NALF1: variants seen among roughly 807,000 people sequenced by gnomAD.
NALF1 encodes the protein NALCN channel auxiliary factor 1, also known as family with sequence similarity 155 member A.
Under a neutral mutation model 48.4 loss-of-function variants are expected in NALF1, and 3 were observed. The observed-to-expected ratio is 0.06, with a 90% confidence interval of 0.03 to 0.16. The LOEUF is 0.16. Among genes scored for constraint, NALF1 ranks in the 10% least tolerant of loss-of-function variants. The pLI is 1.00. For missense variants in NALF1, 526 were observed against 571.5 expected, an observed-to-expected ratio of 0.92 and a Z score of 0.81; for synonymous variants, 262 against 245.7, an observed-to-expected ratio of 1.07 and a Z score of -0.62.
At chr13:107,687,319 G>A (rs1038632850) in intron 1 of NALF1, among the ~76,000 whole-genome samples, 3 of 152,066 alleles carry the variant, frequency 2.0e-5, no homozygotes, top group African/African-American at 4.8e-5. Context: ...AGGGAGGGAA[G>A]GAGGGAGGGG....
chr13:107,608,153 G>A (rs73595233), intron 1 of NALF1, among the ~76,000 whole-genome samples: 9 of 152,230 alleles, frequency 5.9e-5, no homozygotes, highest in Admixed American at 1.3e-4. Context: ...TGGAAGTAAC[G>A]TTACGTGGCA....
chr13:107,438,300 T>C (rs1305522722), intron 1 of NALF1, among the ~76,000 whole-genome samples: 1 of 152,220 alleles, frequency 6.6e-6, no homozygotes, highest in Non-Finnish European at 1.5e-5. Flanking sequence ...ATGTATACTA[T>C]TTATTTTGGA....
intron 1 of NALF1, among the ~76,000 whole-genome samples, chr13:107,215,907 A>G (rs565803918): frequency 2.0e-5 from 3 of 152,302 alleles, no homozygotes; most frequent in Non-Finnish European, 4.4e-5. Context: ...TCCAAAATCC[A>G]TCTCTCTATT....
In NALF1 at chr13:107,165,278, T is replaced by C. The variant is rs1213128901; in HGVS notation, c.*5219A>G. The C allele has an allele frequency of 1.3e-5, 2 of 152,178 alleles. No homozygotes were observed. The highest frequency in any genetic ancestry group is 2.9e-5 in the Non-Finnish European group (2 of 68,028). The allele number at this position is 152,178 out of a possible 1,614,324, so 9.4% of individuals were successfully genotyped here. On this transcript the variant is annotated 3_prime_UTR_variant, in exon 3 of 3. Transcript: ENST00000375915. Reference sequence around the variant, plus strand: ...TAGATCTTCCTGATCATTTTGATTTTTTCATTTAAGATTGAGTGATTCTAC... The same window carrying C: ...TAGATCTTCCTGATCATTTTGATTTCTTCATTTAAGATTGAGTGATTCTAC...
At chr13:107,661,497 C>T (rs1156455448) in intron 1 of NALF1, among the ~76,000 whole-genome samples, 6 of 151,722 alleles carry the variant, frequency 4.0e-5, no homozygotes, top group Non-Finnish European at 8.8e-5. Context: ...ACGTCTTTTG[C>T]GAGCGGCCAA....
intron 1 of NALF1, among the ~76,000 whole-genome samples, chr13:107,620,200 C>T (rs1879483619): frequency 6.6e-6 from 1 of 152,104 alleles, no homozygotes; most frequent in African/African-American, 2.4e-5. Flanking sequence ...TAAATGTCCA[C>T]ATCAGAACCA....
chr13:107,270,651 TTA>T (rs144606721), intron 1 of NALF1, among the ~76,000 whole-genome samples: 21,383 of 99,614 alleles, frequency 0.21, 2,239 homozygotes, highest in East Asian at 0.4. Context: ...TTGTTGATAG[TTA>T]TATATATATA....
intron 1 of NALF1, among the ~76,000 whole-genome samples, chr13:107,523,922 A>T (rs1566376761): frequency 6.6e-6 from 1 of 152,172 alleles, no homozygotes; most frequent in Admixed American, 6.5e-5. Context: ...GATGCATTTT[A>T]TATCAACAAA....
intron 1 of NALF1, among the ~76,000 whole-genome samples, chr13:107,412,267 C>T (rs894915304): frequency 4.6e-5 from 7 of 152,128 alleles, no homozygotes; most frequent in Admixed American, 1.3e-4. Context: ...AAGCATGTCA[C>T]GGAAGTTGTC....
At chr13:107,185,177 G>A (rs1308778558) in intron 2 of NALF1, among the ~76,000 whole-genome samples, 3 of 152,272 alleles carry the variant, frequency 2.0e-5, no homozygotes, top group Middle Eastern at 3.4e-3. Context: ...GCCCCGCATA[G>A]CCTCAGGGGA....
At chr13:107,564,804 A>G (rs1457715254) in intron 1 of NALF1, among the ~76,000 whole-genome samples, 1 of 152,042 alleles carries the variant, frequency 6.6e-6, no homozygotes, top group Admixed American at 6.5e-5. Flanking sequence ...TTTCCAATCT[A>G]CAGTTCAGCT....
rs1555329721 is a variant in NALF1 at position 107,851,805 on chromosome 13, C to CATT, written c.915+13876_915+13877insAAT. The stretch of plus-strand genomic sequence containing the variant: ...GGATTAAGGGCTTTACAGGCCCTTT[C>CATT]TTTTTTTTTTTTTTTTTTTTTGAGA... On this transcript the variant is annotated intron_variant, in intron 1 of 2. Coordinates refer to ENST00000375915, the MANE Select transcript of NALF1 (RefSeq NM_001080396.3). Among the ~76,000 whole-genome samples, 17 of 104,730 alleles carry CATT rather than the reference C, an allele frequency of 1.6e-4. 2 individuals carry two copies. Among genetic ancestry groups the CATT allele is most frequent in the South Asian group, 1.0e-3 (3 of 2,898 alleles). 68.7% of individuals were successfully genotyped at this position (104,730 alleles called of 152,430 possible). A position where few individuals can be genotyped will look rare whatever the true frequency, so the allele number is the denominator to read the frequency against.
At chr13:107,776,157 T>C (rs1877724376) in intron 1 of NALF1, among the ~76,000 whole-genome samples, 1 of 152,160 alleles carries the variant, frequency 6.6e-6, no homozygotes, top group Non-Finnish European at 1.5e-5. Context: ...TTAAAATCAT[T>C]ACTATCATTA....
At chr13:107,206,916 T>G (rs182710124) in intron 2 of NALF1, among the ~76,000 whole-genome samples, 3 of 152,370 alleles carry the variant, frequency 2.0e-5, no homozygotes, top group African/African-American at 7.2e-5. Flanking sequence ...CTGGAAGCTG[T>G]GAATTGGATG....
chr13:107,351,846 C>G (rs116664124), intron 1 of NALF1, among the ~76,000 whole-genome samples: 2,797 of 152,278 alleles, frequency 0.018, 32 homozygotes, highest in African/African-American at 0.034. Context: ...CTTAGAAAGG[C>G]TTGCAGCCTG....
At chr13:107,579,875 G>T (rs1459009071) in intron 1 of NALF1, among the ~76,000 whole-genome samples, 1 of 151,850 alleles carries the variant, frequency 6.6e-6, no homozygotes. Context: ...CAACCATTGT[G>T]GAAGTCAGTG....
At chr13:107,539,038 G>T (rs898761848) in intron 1 of NALF1, among the ~76,000 whole-genome samples, 1 of 149,650 alleles carries the variant, frequency 6.7e-6, no homozygotes, top group Non-Finnish European at 1.5e-5. Flanking sequence ...CCCTTGGTAG[G>T]TATACATTAG....
At position 107,420,735 on chromosome 13, in the gene NALF1, A is replaced by C. The variant is rs74637714; in HGVS notation, c.916-209980T>G. Among the ~76,000 whole-genome samples the C allele has an allele frequency of 2.0e-5, 3 of 152,216 alleles. No homozygotes were observed. The East Asian group carries it at 5.8e-4, about 29-fold the overall frequency. On this transcript the variant is annotated intron_variant, in intron 1 of 2. Coordinates refer to ENST00000375915, the MANE Select transcript of NALF1 (RefSeq NM_001080396.3). ...TTATTTAAGCACAAATTCATCGAGT[A>C]CATGTGCAATTTTGTTAAATCCATA...
At chr13:107,849,100 G>A (rs1338326278) in intron 1 of NALF1, among the ~76,000 whole-genome samples, 1 of 152,154 alleles carries the variant, frequency 6.6e-6, no homozygotes, top group Non-Finnish European at 1.5e-5. Context: ...AAGATGTTGT[G>A]TAATTAGAGC....
Sources: allele counts gnomAD v4.1 joint callset (sites outside exome capture counted in the v4.1 genomes callset), GRCh38; gene constraint gnomAD v4.1.1; transcripts MANE v1.5; gene names NCBI Gene and HGNC (gene_info 2026-07-23, HGNC 2026-07-21).